The following PGGT1B variants were observed in gnomAD, a reference collection of about 807,000 sequenced individuals.
The protein encoded by PGGT1B is geranylgeranyl transferase type-1 subunit beta.
In PGGT1B, 30 loss-of-function variants were observed where a neutral mutation model predicts 46.1. The observed-to-expected ratio is 0.65, with a 90% CI of 0.49 to 0.88. PGGT1B has a LOEUF of 0.88. Among genes scored for constraint, PGGT1B ranks in the 40% least tolerant of loss-of-function variants. The probability of loss-of-function intolerance (pLI) is 0.00; values close to 1 mark genes in which losing one functional copy is unlikely to be tolerated. For synonymous variants in PGGT1B, 170 were observed against 160.0 expected (o/e 1.06, Z -0.47); for missense variants, 376 against 455.9 (o/e 0.82, Z 1.60).
chr5:115,206,418 ATAAT>A lies in PGGT1B; in HGVS notation c.*5980_*5983del, dbSNP rs1022709745. The stretch of plus-strand genomic sequence containing the variant: ...ATTTTTTAAAATTGTAAATATCTGA[ATAAT>A]TAAGCACCAGTAATCTCAATAGCAC... On this transcript the variant is annotated 3_prime_UTR_variant, in exon 9 of 9. Coordinates refer to ENST00000419445, the MANE Select transcript of PGGT1B (RefSeq NM_005023.4). 1 of 152,042 alleles carries A rather than the reference ATAAT, an allele frequency of 6.6e-6. No individual in the cohort carries two copies. Among genetic ancestry groups the A allele is most frequent in the Non-Finnish European group, 1.5e-5 (1 of 67,926 alleles). The allele number at this position is 152,042 out of a possible 1,614,324, so 9.4% of individuals were successfully genotyped here. A position where few individuals can be genotyped will look rare whatever the true frequency, so the allele number is the denominator to read the frequency against.
At chr5:115,248,178 C>T (rs1409576688) in intron 2 of PGGT1B, among the ~76,000 whole-genome samples, 1 of 152,234 alleles carries the variant, frequency 6.6e-6, no homozygotes, top group South Asian at 2.1e-4. Context: ...TATTAAGGAA[C>T]AGATACTAGA....
intron 2 of PGGT1B, among the ~76,000 whole-genome samples, chr5:115,249,548 G>C (rs553720293): frequency 8.5e-5 from 13 of 152,132 alleles, no homozygotes; most frequent in African/African-American, 3.1e-4. Context: ...TGGGAGTCAG[G>C]GTAGATCAGA....
At chr5:115,253,903 T>C (rs900009387) in intron 1 of PGGT1B, among the ~76,000 whole-genome samples, 1 of 152,026 alleles carries the variant, frequency 6.6e-6, no homozygotes, top group African/African-American at 2.4e-5. Context: ...TGTGCTTTCA[T>C]ATAAAAATCA....
intron 2 of PGGT1B, among the ~76,000 whole-genome samples, chr5:115,245,303 TTC>T (rs1331558636): frequency 5.3e-5 from 8 of 152,346 alleles, no homozygotes; most frequent in Middle Eastern, 3.4e-3. Context: ...TAAATGACAT[TTC>T]TGTTTGTTCA....
At chr5:115,217,757 A>G (rs995192493) in intron 7 of PGGT1B, among the ~76,000 whole-genome samples, 1 of 152,024 alleles carries the variant, frequency 6.6e-6, no homozygotes, top group South Asian at 2.1e-4. Context: ...GTTATGGTAC[A>G]AACAGGAAAC....
At chr5:115,260,220 AAG>A (rs755840540) in intron 1 of PGGT1B, among the ~76,000 whole-genome samples, 1 of 152,240 alleles carries the variant, frequency 6.6e-6, no homozygotes, top group African/African-American at 2.4e-5. Flanking sequence ...ACAAGAAAAT[AAG>A]AGTAATTTTG....
chr5:115,258,772 C>T (rs371500647), intron 1 of PGGT1B, among the ~76,000 whole-genome samples: 6 of 152,214 alleles, frequency 3.9e-5, no homozygotes, highest in Non-Finnish European at 5.9e-5. Flanking sequence ...CAGAATATCA[C>T]AATCATTTTG....
intron 2 of PGGT1B, 125 bp from the exon 3 acceptor site, chr5:115,241,731 C>CCTG: frequency 1.7e-6 from 1 of 597,352 alleles, no homozygotes; most frequent in Non-Finnish European, 2.8e-6. Context: ...CTGGCTAATG[C>CCTG]TGAATGCTTA....
intron 2 of PGGT1B, among the ~76,000 whole-genome samples, chr5:115,250,528 G>A (rs1022016477): frequency 2.6e-5 from 4 of 152,088 alleles, no homozygotes; most frequent in African/African-American, 7.2e-5. Flanking sequence ...AATGACTGAA[G>A]AAAAAAATTG....
chr5:115,232,038 T>C (rs1332088612), intron 5 of PGGT1B, among the ~76,000 whole-genome samples: 1 of 152,040 alleles, frequency 6.6e-6, no homozygotes, highest in African/African-American at 2.4e-5. Flanking sequence ...GTTCTTTGTC[T>C]CTCAGTGATA....
chr5:115,221,250 A>C (rs1756577570), intron 7 of PGGT1B, among the ~76,000 whole-genome samples: 1 of 152,052 alleles, frequency 6.6e-6, no homozygotes, highest in Non-Finnish European at 1.5e-5. Context: ...AGGCAACTTT[A>C]AGACAGAGAA....
At chr5:115,243,663 C>T (rs1757417930) in intron 2 of PGGT1B, among the ~76,000 whole-genome samples, 1 of 152,176 alleles carries the variant, frequency 6.6e-6, no homozygotes, top group Non-Finnish European at 1.5e-5. Flanking sequence ...AAGTCTAACA[C>T]AGGCATCATC....
At chr5:115,235,731 C>A (rs1757160161) in intron 5 of PGGT1B, among the ~76,000 whole-genome samples, 1 of 152,050 alleles carries the variant, frequency 6.6e-6, no homozygotes, top group African/African-American at 2.4e-5. Flanking sequence ...GTGGAATCTA[C>A]AAAAATATGA....
chr5:115,227,530 C>A (rs1368362045), intron 6 of PGGT1B, among the ~76,000 whole-genome samples: 1 of 152,176 alleles, frequency 6.6e-6, no homozygotes, highest in Non-Finnish European at 1.5e-5. Context: ...TGCAGGAGCA[C>A]CAGCCCTTCA....
chr5:115,241,575 G>A lies in PGGT1B; in HGVS notation c.291C>T (p.Gly97=), dbSNP rs1016664184. 3 of 1,607,996 alleles carry A rather than the reference G, an allele frequency of 1.9e-6. No homozygotes were observed. Among genetic ancestry groups the A allele is most frequent in the Admixed American group, 1.7e-5 (1 of 59,232 alleles). ...RSNLNRCGFR[G]SSYLGIPFNP... ...TGAACGGAATACCCAGGTATGAAGAGCCTCGGAAACCACAGCGATTTAGAT... is the reference window on the plus strand; with the variant it reads ...TGAACGGAATACCCAGGTATGAAGAACCTCGGAAACCACAGCGATTTAGAT... Residue 97 remains glycine, a synonymous_variant, in exon 3 of 9, where the codon GGC becomes GGT. Transcript: ENST00000419445.
intron 2 of PGGT1B, among the ~76,000 whole-genome samples, chr5:115,245,829 C>A (rs1331784901): frequency 6.6e-6 from 1 of 151,970 alleles, no homozygotes; most frequent in East Asian, 1.9e-4. Context: ...TTTTTGCCTT[C>A]TTCTTAATCA....
intron 4 of PGGT1B, among the ~76,000 whole-genome samples, chr5:115,237,309 C>T (rs1457467382): frequency 2.6e-5 from 4 of 152,160 alleles, no homozygotes; most frequent in Non-Finnish European, 5.9e-5. Flanking sequence ...TTCACTACTG[C>T]TTTATCGCTT....
Position 115,216,850 on chromosome 5 carries a change from A to G in PGGT1B, c.952+15T>C. Reference sequence around the variant, plus strand: ...GGAAATAAAGGTTGTTCTGATTCACAAAGAAAATAATTACCTGGATGACTG... The same window carrying G: ...GGAAATAAAGGTTGTTCTGATTCACGAAGAAAATAATTACCTGGATGACTG... On this transcript the variant is annotated intron_variant, in intron 8 of 8. Transcript: ENST00000419445. 2 of 1,321,108 alleles carry G rather than the reference A, an allele frequency of 1.5e-6. No individual in the cohort carries two copies. Among genetic ancestry groups the G allele is most frequent in the Non-Finnish European group, 2.2e-6 (2 of 916,964 alleles). The allele number at this position is 1,321,108 out of a possible 1,614,324, so 81.8% of individuals were successfully genotyped here.
At position 115,209,487 on chromosome 5, in the gene PGGT1B, G is replaced by C. The variant is rs1444042440; in HGVS notation, c.*2915C>G. On this transcript the variant is annotated 3_prime_UTR_variant, in exon 9 of 9. Transcript: ENST00000419445. ...CAATTTGCAGAGCTGTCAGAAACCA[G>C]CTGCCTTCCTTCTACTTCCTCCCAC... The C allele has an allele frequency of 6.6e-6, 1 of 152,100 alleles. No individual in the cohort carries two copies. The highest frequency in any genetic ancestry group is 1.9e-4 in the East Asian group (1 of 5,194). The allele number at this position is 152,100 out of a possible 1,614,324, so 9.4% of individuals were successfully genotyped here.
Sources: allele counts gnomAD v4.1 joint callset (sites outside exome capture counted in the v4.1 genomes callset), GRCh38; gene constraint gnomAD v4.1.1; transcripts MANE v1.5; gene names NCBI Gene and HGNC (gene_info 2026-07-23, HGNC 2026-07-21).